Variants in AK1 observed in about 807,000 individuals in gnomAD.
The protein encoded by AK1 is adenylate kinase isoenzyme 1.
In AK1, 13 loss-of-function variants were observed where a neutral mutation model predicts 23.9. That is an observed-to-expected ratio of 0.54 (90% CI 0.35 to 0.86). The LOEUF is 0.86. Among genes scored for constraint, AK1 ranks in the 40% least tolerant of loss-of-function variants. The pLI, the probability that AK1 is intolerant of heterozygous loss-of-function variation, is 0.01. For synonymous variants in AK1, 97 were observed against 102.8 expected, an observed-to-expected ratio of 0.94 and a Z score of 0.34; for missense variants, 214 against 255.1, an observed-to-expected ratio of 0.84 and a Z score of 1.10.
intron 4 of AK1, 66 bp downstream of exon 4, chr9:127,872,624 G>A (rs1829439613): frequency 6.2e-7 from 1 of 1,603,654 alleles, no homozygotes; most frequent in East Asian, 2.2e-5. Context: ...GGGCTTTGCT[G>A]CTGGTGGGAC....
chr9:127,870,339 A>G (rs1322663311), intron 5 of AK1, among the ~76,000 whole-genome samples: 1 of 151,290 alleles, frequency 6.6e-6, no homozygotes, highest in African/African-American at 2.4e-5. Flanking sequence ...AGTAGCTGGG[A>G]TTACAGGCGC....
At chr9:127,879,350 C>T (rs540630601), upstream of AK1, among the ~76,000 whole-genome samples, 10 of 152,142 alleles carry the variant, frequency 6.6e-5, no homozygotes, top group South Asian at 1.2e-3. Context: ...AAAGGCTGGG[C>T]GCGGTGGCTC....
intron 2 of AK1, chr9:127,874,062 C>CAGCAGT (rs1829482410): frequency 1.0e-6 from 1 of 985,352 alleles, no homozygotes. Flanking sequence ...GCAGCAGCAG[C>CAGCAGT]AGGCCCGCTG....
intron 2 of AK1, chr9:127,874,041 G>GAGCAGCAGC (rs759188373): frequency 6.1e-6 from 6 of 985,004 alleles, no homozygotes; most frequent in African/African-American, 3.5e-5. Context: ...AGCTCAGGCA[G>GAGCAGCAGC]AGCAGCAGCA....
upstream of AK1, among the ~76,000 whole-genome samples, chr9:127,879,066 AACACACACACACAC>A (rs35534101): frequency 3.4e-5 from 5 of 145,908 alleles, no homozygotes; most frequent in African/African-American, 5.1e-5. Context: ...CTAAAAATAA[AACACACACACACAC>A]ACACACACAC....
chr9:127,874,469 C>T, intron 2 of AK1, 142 bp downstream of exon 2: 1 of 1,590,720 alleles, frequency 6.3e-7, no homozygotes, highest in Non-Finnish European at 8.5e-7. Context: ...GAGGAGGATA[C>T]TGGAGGCTCC....
chr9:127,871,837 C>T lies in AK1; in HGVS notation c.310G>A (p.Glu104Lys), dbSNP rs1829417853. 6.2e-7 allele frequency: 1 copy of T among 1,614,162 alleles called. No individual in the cohort carries two copies. The highest frequency in any genetic ancestry group is 8.5e-7 in the Non-Finnish European group (1 of 1,180,028). The part of the protein sequence containing the change: ...GYPREVQQGE[E>K]FERRIGQPTL... ...CAGTGCCTTACCCGTCGCTCAAACT[C>T]TTCTCCTTGCTGCACCTCCCGCGGG... The change falls in exon 5 of 7, where the codon GAG becomes AAG. Residue 104 changes from glutamate to lysine, a missense_variant. By Grantham distance (56) the Glu-to-Lys change is moderately conservative. Transcript: ENST00000644144. The surrounding 1 kb of genome is among the most constrained non-coding windows in gnomAD (Gnocchi z 4.4).
rs905723952 is a variant in AK1 at position 127,871,631 on chromosome 9, C to T, written c.324+192G>A. On this transcript the variant is annotated intron_variant, in intron 5 of 6. Coordinates refer to ENST00000644144, the MANE Select transcript of AK1 (RefSeq NM_000476.3). This position sits in a 1 kb window ranked among gnomAD's most constrained non-coding sequence, Gnocchi z 4.4. ...CAGGTTTGGCAACTGCCCCTCCTGG[C>T]GCTTCCCCTTCTACACATTTTCTTC... 3.3e-5 allele frequency among the ~76,000 whole-genome samples: 5 copies of T among 151,686 alleles called. No homozygotes were observed. The highest frequency in any genetic ancestry group is 1.2e-4 in the African/African-American group (5 of 40,990).
At chr9:127,874,069 G>A (rs923292789) in intron 2 of AK1, 93 of 984,684 alleles carry the variant, frequency 9.4e-5, no homozygotes, top group East Asian at 3.4e-4. Flanking sequence ...CAGCAGGCCC[G>A]CTGGGTGTCT....
At chr9:127,873,648 T>C (rs999736283) in intron 2 of AK1, 6 of 1,394,174 alleles carry the variant, frequency 4.3e-6, no homozygotes. Context: ...CTCCAACCTC[T>C]GTCTCGTCCC....
At position 127,867,650 on chromosome 9, in the gene AK1, G is replaced by A. The variant is rs1311740068; in HGVS notation, c.*358C>T. On this transcript the variant is annotated 3_prime_UTR_variant, in exon 7 of 7. Coordinates refer to ENST00000644144, the MANE Select transcript of AK1 (RefSeq NM_000476.3). ...GCAGGGGCCCCGCCACTCAGCGCCG[G>A]GTCCTCAGGCCAGGCATGCCCTGTG... The A allele has an allele frequency of 3.2e-6, 1 of 308,164 alleles. No homozygotes were observed. Among genetic ancestry groups the A allele is most frequent in the Non-Finnish European group, 6.3e-6 (1 of 158,470 alleles). 19.1% of individuals were successfully genotyped at this position (308,164 alleles called of 1,614,324 possible).
rs1341881760 is a variant in AK1 at position 127,877,202 on chromosome 9, G to A, written c.-33+421C>T. Among the ~76,000 whole-genome samples, 3 of 152,152 alleles carry A rather than the reference G, an allele frequency of 2.0e-5. 1 individual carries two copies. The South Asian group carries it at 6.2e-4, about 31-fold the overall frequency. ...CTCCAATGCACCCAGCACTAGAAGT[G>A]GAGTGACACGATAGCCCTACGGAGC... On this transcript the variant is annotated intron_variant, in intron 1 of 6. Coordinates refer to ENST00000644144, the MANE Select transcript of AK1 (RefSeq NM_000476.3). This position sits in a 1 kb window ranked among gnomAD's most constrained non-coding sequence, Gnocchi z 5.2.
intron 5 of AK1, among the ~76,000 whole-genome samples, chr9:127,869,916 G>A: frequency 6.6e-6 from 1 of 152,230 alleles, no homozygotes; most frequent in Admixed American, 6.5e-5. Context: ...CTCAGCCTCT[G>A]GGCTTGAGAT....
At position 127,868,185 on chromosome 9, in the gene AK1, C is replaced by T. The variant is rs1358787047; in HGVS notation, c.517-109G>A. ...GCCTCCCCGAGCCCAACCTAATTGA[C>T]AGCAGCCCCTCATTGAACCAGTGGG... On this transcript the variant is annotated intron_variant, in intron 6 of 6. Transcript: ENST00000644144. This position sits in a 1 kb window ranked among gnomAD's most constrained non-coding sequence, Gnocchi z 4.1. 2.7e-6 allele frequency: 4 copies of T among 1,468,156 alleles called. No homozygotes were observed. In the African/African-American group the frequency reaches 5.6e-5, roughly 20 times the overall value. 90.9% of individuals were successfully genotyped at this position (1,468,156 alleles called of 1,614,324 possible).
At position 127,872,807 on chromosome 9, in the gene AK1, C is replaced by A. The variant is rs141933637; in HGVS notation, c.90G>T (p.Gln30His). The A allele has an allele frequency of 9.3e-6, 15 of 1,614,014 alleles. No individual in the cohort carries two copies. The highest frequency in any genetic ancestry group is 1.3e-5 in the Non-Finnish European group (15 of 1,180,032). ...TGGAGAGGTGGGTGTAGCCATACTT[C>A]TGCACGATCTTCTCACACTGGGTGC... is the stretch of plus-strand genomic sequence containing the variant. ...GKGTQCEKIV[Q>H]KYGYTHLSTG... The change falls in exon 4 of 7, where the codon CAG becomes CAT. Residue 30 changes from glutamine (Q) to histidine (H), a missense_variant. Physicochemically the swap from Gln to His is conservative, Grantham distance 24. Transcript: ENST00000644144.
At chr9:127,872,316 G>C (rs1829431363) in intron 4 of AK1, among the ~76,000 whole-genome samples, 1 of 152,130 alleles carries the variant, frequency 6.6e-6, no homozygotes, top group African/African-American at 2.4e-5. Flanking sequence ...TACGGGCAGA[G>C]AAGTGGGGCT....
chr9:127,872,773 G>C lies in AK1; in HGVS notation c.124C>G (p.Leu42Val). The C allele has an allele frequency of 6.2e-7, 1 of 1,614,152 alleles. No individual in the cohort carries two copies. The highest frequency in any genetic ancestry group is 8.5e-7 in the Non-Finnish European group (1 of 1,180,024). ...CCTGAGCTGACCTCGGACCGCAGGA[G>C]GTCCCCGGTGGAGAGGTGGGTGTAG... ...YGYTHLSTGD[L>V]LRSEVSSGSA... The change falls in exon 4 of 7, where the codon CTC becomes GTC. Residue 42 changes from leucine (L) to valine (V), a missense_variant. Leu to Val is a conservative substitution (Grantham distance 32, BLOSUM62 1). Transcript: ENST00000644144.
intron 2 of AK1, chr9:127,873,336 T>G (rs1183337863): frequency 8.4e-6 from 13 of 1,545,508 alleles, no homozygotes; most frequent in Non-Finnish European, 1.1e-5. Context: ...GCCAGCGGGC[T>G]GGGCCGCCAG....
Position 127,868,226 on chromosome 9 carries a change from A to G in AK1, c.516+95T>C. 6.8e-7 allele frequency: 1 copy of G among 1,462,128 alleles called. No individual in the cohort carries two copies. Among genetic ancestry groups the G allele is most frequent in the Non-Finnish European group, 9.4e-7 (1 of 1,066,156 alleles). The allele number at this position is 1,462,128 out of a possible 1,614,324, so 90.6% of individuals were successfully genotyped here. On this transcript the variant is annotated intron_variant, in intron 6 of 6. Transcript: ENST00000644144. The surrounding 1 kb of genome is among the most constrained non-coding windows in gnomAD (Gnocchi z 4.1). ...AACCAGTGGGGAAACCAAGGCCCAG[A>G]GAGAGGGGCTGGCCTGAGGCCACAC...
Sources: allele counts gnomAD v4.1 joint callset (sites outside exome capture counted in the v4.1 genomes callset), GRCh38; gene constraint gnomAD v4.1.1; non-coding constraint Gnocchi (gnomAD v3.1); transcripts MANE v1.5; gene names NCBI Gene and HGNC (gene_info 2026-07-23, HGNC 2026-07-21).